The following SBF2 variants were observed in gnomAD, a reference collection of about 807,000 sequenced individuals.
The protein encoded by SBF2 is myotubularin-related protein 13.
Under a neutral mutation model 225.2 loss-of-function variants are expected in SBF2, and 112 were observed. The observed-to-expected ratio is 0.50, with a 90% CI of 0.43 to 0.58. SBF2 has a LOEUF of 0.58. Among genes scored for constraint, SBF2 ranks in the 20% least tolerant of loss-of-function variants. SBF2 has a pLI of 0.00. For missense variants in SBF2, 1,996 were observed against 2,206.2 expected, an observed-to-expected ratio of 0.90 and a Z score of 1.91; for synonymous variants, 763 against 773.3, an observed-to-expected ratio of 0.99 and a Z score of 0.22.
chr11:9,816,951 C>G lies in SBF2; in HGVS notation c.3867G>C (p.Arg1289=), dbSNP rs199971996. The G allele has an allele frequency of 1.2e-6, 2 of 1,614,136 alleles. No individual in the cohort carries two copies. The highest frequency in any genetic ancestry group is 2.7e-5 in the African/African-American group (2 of 75,030). ...AGGCCGAGTGATCCTTGCCTGCCAGCCGGGCGCCAACATCAATGAAGGATG... is the reference window on the plus strand; with the variant it reads ...AGGCCGAGTGATCCTTGCCTGCCAGGCGGGCGCCAACATCAATGAAGGATG... ...SPTSFIDVGA[R]LAGKDHSASF... Residue 1289 remains arginine (R), a synonymous_variant, in exon 29 of 40, where the codon CGG becomes CGC. Coordinates refer to ENST00000256190, the MANE Select transcript of SBF2 (RefSeq NM_030962.4).
intron 3 of SBF2, among the ~76,000 whole-genome samples, chr11:10,035,501 T>C (rs1949400571): frequency 6.6e-6 from 1 of 152,106 alleles, no homozygotes; most frequent in African/African-American, 2.4e-5. Context: ...GAGAAAAATT[T>C]TGCAATCTAC....
At chr11:10,251,855 T>C (rs1340534510) in intron 1 of SBF2, among the ~76,000 whole-genome samples, 8 of 152,136 alleles carry the variant, frequency 5.3e-5, no homozygotes, top group Admixed American at 3.3e-4. Context: ...CCCAAAATGA[T>C]AGAAACAGAG....
At chr11:10,153,948 C>A (rs542748939) in intron 2 of SBF2, among the ~76,000 whole-genome samples, 13 of 152,142 alleles carry the variant, frequency 8.5e-5, no homozygotes, top group African/African-American at 2.4e-4. Context: ...AATCTTTATA[C>A]ATTTTTTTTA....
chr11:10,002,596 C>G lies in SBF2; in HGVS notation c.713G>C (p.Cys238Ser). The G allele has an allele frequency of 6.2e-7, 1 of 1,612,934 alleles. No homozygotes were observed. The highest frequency in any genetic ancestry group is 8.5e-7 in the Non-Finnish European group (1 of 1,179,036). Residue 238 changes from cysteine (C) to serine (S), a missense_variant, in exon 7 of 40, where the codon TGT becomes TCT. By Grantham distance (112) the Cys-to-Ser change is moderately radical. Transcript: ENST00000256190. ...AAACATTAAAGATTCCAGGGCTCTA[C>G]AAGCATCACTAAGTCTCTGGAAACT... ...SASFQRLSDACRALESLMFPL... is the reference protein window; with the variant it reads ...SASFQRLSDASRALESLMFPL...
At chr11:9,974,487 T>C (rs944518868) in intron 13 of SBF2, among the ~76,000 whole-genome samples, 1 of 151,598 alleles carries the variant, frequency 6.6e-6, no homozygotes, top group Non-Finnish European at 1.5e-5. Flanking sequence ...CAGATAGAGA[T>C]TTCCTATTCT....
At chr11:9,869,564 T>G (rs1394634407) in intron 17 of SBF2, among the ~76,000 whole-genome samples, 2 of 152,144 alleles carry the variant, frequency 1.3e-5, no homozygotes, top group Non-Finnish European at 2.9e-5. Context: ...GATCAATAAA[T>G]GTGATATATC....
intron 38 of SBF2, among the ~76,000 whole-genome samples, chr11:9,783,326 A>G (rs1475578809): frequency 2.0e-5 from 3 of 152,266 alleles, no homozygotes; most frequent in African/African-American, 7.2e-5. Flanking sequence ...CTCCTTGAGC[A>G]GAGGAAAAGC....
At chr11:9,882,904 C>CGT (rs1426259153) in intron 17 of SBF2, among the ~76,000 whole-genome samples, 1 of 151,304 alleles carries the variant, frequency 6.6e-6, no homozygotes, top group Non-Finnish European at 1.5e-5. Flanking sequence ...AATAAAATAT[C>CGT]GTTTAATTCA....
At chr11:9,828,307 A>G in intron 28 of SBF2, 2 of 1,234,784 alleles carry the variant, frequency 1.6e-6, no homozygotes, top group South Asian at 2.8e-5. Flanking sequence ...CAGGTGTAGC[A>G]TGTTTAACTG....
chr11:9,829,812 G>C (rs1855280742), intron 27 of SBF2: 1 of 350,282 alleles, frequency 2.9e-6, no homozygotes, highest in Non-Finnish European at 5.4e-6. Flanking sequence ...ACAGGGCATA[G>C]CTTCTCATTA....
intron 3 of SBF2, 130 bp downstream of exon 3, chr11:10,042,714 A>C (rs1184604261): frequency 1.2e-6 from 1 of 855,752 alleles, no homozygotes; most frequent in Non-Finnish European, 1.9e-6. Flanking sequence ...TTAAACATAA[A>C]AATTTCTTCA....
intron 1 of SBF2, among the ~76,000 whole-genome samples, chr11:10,261,884 T>C (rs1156348435): frequency 1.3e-5 from 2 of 152,216 alleles, no homozygotes; most frequent in Non-Finnish European, 2.9e-5. Context: ...ATGTGCTATA[T>C]GATTCCATTT....
intron 16 of SBF2, among the ~76,000 whole-genome samples, chr11:9,914,794 A>G (rs1044332316): frequency 6.6e-6 from 1 of 152,114 alleles, no homozygotes; most frequent in African/African-American, 2.4e-5. Context: ...ATAAATCTGT[A>G]CAACACCAAG....
intron 2 of SBF2, among the ~76,000 whole-genome samples, chr11:10,168,176 GC>G (rs1956050661): frequency 6.6e-6 from 1 of 152,186 alleles, no homozygotes; most frequent in Non-Finnish European, 1.5e-5. Context: ...TGAGAAGACA[GC>G]TTTTATCTGG....
At chr11:10,135,694 A>C (rs1373127891) in intron 2 of SBF2, among the ~76,000 whole-genome samples, 2 of 152,166 alleles carry the variant, frequency 1.3e-5, no homozygotes, top group Non-Finnish European at 1.5e-5. Context: ...GTTCCCAATA[A>C]GTTCTTCATT....
At chr11:10,304,265 T>G (rs1009959863) in intron 1 of SBF2, among the ~76,000 whole-genome samples, 2 of 152,108 alleles carry the variant, frequency 1.3e-5, no homozygotes, top group African/African-American at 4.8e-5. Flanking sequence ...GTCCTCACGT[T>G]TACGATGGAT....
chr11:10,203,062 G>A (rs942026746), intron 1 of SBF2, among the ~76,000 whole-genome samples: 2 of 151,500 alleles, frequency 1.3e-5, no homozygotes, highest in African/African-American at 4.9e-5. Context: ...GGGGGTGAGA[G>A]GGGGGTGCAG....
At position 9,997,646 on chromosome 11, in the gene SBF2, C is replaced by T. The variant is rs554115891; in HGVS notation, c.975+620G>A. On this transcript the variant is annotated intron_variant, in intron 9 of 39. Transcript: ENST00000256190. ...ACAAAAAATTAGCCGGGCGTGGTGG[C>T]GGGCGCCTGCAGTCCCAGCTACTCG... 2.8e-4 allele frequency among the ~76,000 whole-genome samples: 42 copies of T among 152,182 alleles called. 1 individual carries two copies. In the South Asian group the frequency reaches 6.6e-3, roughly 24 times the overall value.
intron 2 of SBF2, among the ~76,000 whole-genome samples, chr11:10,168,932 T>C (rs995100754): frequency 6.6e-6 from 1 of 152,208 alleles, no homozygotes; most frequent in Non-Finnish European, 1.5e-5. Context: ...TTTAAAGCAG[T>C]TTAATACTCT....
Sources: allele counts gnomAD v4.1 joint callset (sites outside exome capture counted in the v4.1 genomes callset), GRCh38; gene constraint gnomAD v4.1.1; transcripts MANE v1.5; gene names NCBI Gene and HGNC (gene_info 2026-07-23, HGNC 2026-07-21).